Variants in CAST observed in about 807,000 individuals in gnomAD.
The protein encoded by CAST is MIR583 host.
In CAST, 76 loss-of-function variants were observed where a neutral mutation model predicts 119.6. That is an observed-to-expected ratio of 0.64 (90% CI 0.53 to 0.77). The LOEUF is 0.77. Ranked by LOEUF, CAST falls within the 30% of genes least tolerant of loss-of-function variation. CAST has a pLI of 0.00. For missense variants in CAST, 953 were observed against 946.5 expected (o/e 1.01, Z -0.09); for synonymous variants, 319 against 331.6 (o/e 0.96, Z 0.41).
chr5:96,724,716 G>A (rs1370702204), intron 4 of CAST, among the ~76,000 whole-genome samples: 6 of 152,022 alleles, frequency 3.9e-5, no homozygotes, highest in Admixed American at 1.3e-4. Context: ...TCAGCTACTC[G>A]GGAGGCTGAG....
intron 1 of CAST, among the ~76,000 whole-genome samples, chr5:96,667,424 GCAA>G (rs1264509546): frequency 6.6e-6 from 1 of 152,122 alleles, no homozygotes; most frequent in East Asian, 1.9e-4. Flanking sequence ...AACTGCTGTG[GCAA>G]CAAAGCAACT....
At chr5:96,097,990 C>G in the CAST span, among the ~76,000 whole-genome samples, 1 of 152,160 alleles carries the variant, frequency 6.6e-6, no homozygotes, top group African/African-American at 2.4e-5. Flanking sequence ...TTACCATCAT[C>G]TGTTATTTTT....
At chr5:96,266,347 G>C in the CAST span, among the ~76,000 whole-genome samples, 15 of 152,128 alleles carry the variant, frequency 9.9e-5, no homozygotes, top group Admixed American at 6.5e-4. Context: ...TCCATGCCAG[G>C]AGAACTTTCC....
chr5:96,740,017 A>ATG, intron 11 of CAST, 21 bp from the exon 12 acceptor site: 1 of 1,198,534 alleles, frequency 8.3e-7, no homozygotes, highest in Non-Finnish European at 1.2e-6. Flanking sequence ...TAATATCCCT[A>ATG]TGTGTATGAT....
intron 1 of CAST, among the ~76,000 whole-genome samples, chr5:96,625,294 CTCTCTCTCTG>C (rs1375310014): frequency 1.9e-4 from 29 of 152,192 alleles, no homozygotes; most frequent in African/African-American, 7.0e-4. Context: ...CTCTGTCTCT[CTCTCTCTCTG>C]TCTCTCATAC....
At chr5:95,961,728 C>A in the CAST span, 1 of 1,597,808 alleles carries the variant, frequency 6.3e-7, no homozygotes, top group African/African-American at 1.4e-5. Context: ...CCATCTTAAA[C>A]TCCCCGGGGT....
At chr5:96,303,269 A>G in the CAST span, among the ~76,000 whole-genome samples, 11 of 152,178 alleles carry the variant, frequency 7.2e-5, no homozygotes, top group African/African-American at 2.7e-4. Context: ...CCCATGATCC[A>G]GTCACCTCCC....
At chr5:96,558,520 G>A (rs1435793734) in intron 1 of CAST, among the ~76,000 whole-genome samples, 1 of 152,096 alleles carries the variant, frequency 6.6e-6, no homozygotes, top group Non-Finnish European at 1.5e-5. Context: ...AAATGATAAA[G>A]GGGATAACAC....
chr5:96,362,413 T>A, the CAST span, among the ~76,000 whole-genome samples: 2 of 152,322 alleles, frequency 1.3e-5, no homozygotes, highest in South Asian at 2.1e-4. Context: ...CACCACACTG[T>A]CTTCCACAAT....
the CAST span, among the ~76,000 whole-genome samples, chr5:95,994,087 A>G: frequency 6.6e-6 from 1 of 152,158 alleles, no homozygotes; most frequent in East Asian, 1.9e-4. Flanking sequence ...AAAGTGTTCA[A>G]CTACTCTGGA....
intron 1 of CAST, among the ~76,000 whole-genome samples, chr5:96,641,648 T>C (rs1747951178): frequency 6.6e-6 from 1 of 152,178 alleles, no homozygotes; most frequent in African/African-American, 2.4e-5. Context: ...CATGCCCTCC[T>C]ACTTTCAGAT....
chr5:96,593,937 T>A (rs1185657642), intron 1 of CAST, among the ~76,000 whole-genome samples: 1 of 152,218 alleles, frequency 6.6e-6, no homozygotes, highest in East Asian at 1.9e-4. Context: ...GCAGCTGAAC[T>A]AAGCCAATGC....
At chr5:96,257,151 G>A in the CAST span, among the ~76,000 whole-genome samples, 3 of 152,190 alleles carry the variant, frequency 2.0e-5, no homozygotes, top group African/African-American at 7.2e-5. Flanking sequence ...CTGTGCTTAG[G>A]TGCAGGTCTT....
At chr5:96,094,324 A>G in the CAST span, among the ~76,000 whole-genome samples, 384 of 152,294 alleles carry the variant, frequency 2.5e-3, 1 homozygote, top group Non-Finnish European at 3.7e-3. Context: ...TTTAACTCAT[A>G]TATATGACTA....
chr5:96,527,252 A>G (rs1745610468), upstream of CAST, among the ~76,000 whole-genome samples: 1 of 152,198 alleles, frequency 6.6e-6, no homozygotes, highest in Non-Finnish European at 1.5e-5. Flanking sequence ...TTAGGGGGCC[A>G]ATGAGGAATT....
upstream of CAST, among the ~76,000 whole-genome samples, chr5:96,524,591 T>A (rs1483574589): frequency 6.6e-6 from 1 of 152,134 alleles, no homozygotes; most frequent in Admixed American, 6.5e-5. Context: ...TTGAAGCATC[T>A]CCCAACCTTG....
chr5:96,416,253 A>C, the CAST span: 1 of 691,850 alleles, frequency 1.4e-6, no homozygotes, highest in Non-Finnish European at 2.6e-6. Flanking sequence ...TGTTTGTTTT[A>C]AATTAGTATA....
At chr5:96,594,278 G>A (rs577470553) in intron 1 of CAST, among the ~76,000 whole-genome samples, 108 of 152,228 alleles carry the variant, frequency 7.1e-4, no homozygotes, top group African/African-American at 2.5e-3. Context: ...TAGAAGAAAG[G>A]GAAAGATAGG....
At chr5:96,176,154 GTCT>G in the CAST span, among the ~76,000 whole-genome samples, 1 of 152,294 alleles carries the variant, frequency 6.6e-6, no homozygotes, top group South Asian at 2.1e-4. Flanking sequence ...AGACAGAAAA[GTCT>G]TCTACACAGA....
Sources: gnomAD v4.1 joint callset for allele counts (sites outside exome capture counted in the v4.1 genomes callset) on GRCh38, gnomAD v4.1.1 for gene constraint, MANE v1.5 for transcripts, NCBI Gene and HGNC (gene_info 2026-07-23, HGNC 2026-07-21) for gene names.